CHD5: variants seen among roughly 807,000 people sequenced by gnomAD.
CHD5 encodes chromodomain helicase DNA binding protein 5, also known as ATP-dependent chromatin remodeler CHD5.
A neutral mutation model predicts 230.3 loss-of-function variants in CHD5; 69 were observed. The ratio of observed to expected loss-of-function variants is 0.30; its 90% CI spans 0.25 to 0.37. The LOEUF is 0.37. Ranked by LOEUF, CHD5 falls within the 10% of genes least tolerant of loss-of-function variation. The probability of loss-of-function intolerance (pLI) is 1.00; values close to 1 mark genes in which losing one functional copy is unlikely to be tolerated. For synonymous variants in CHD5, 1,064 were observed against 1,065.9 expected (o/e 1.00, Z 0.03); for missense variants, 1,827 against 2,622.8 (o/e 0.70, Z 6.63).
Position 6,135,388 on chromosome 1 carries a change from G to A in CHD5, c.2712C>T (p.Phe904=). 1 of 1,610,448 alleles carries A rather than the reference G, an allele frequency of 6.2e-7. No individual in the cohort carries two copies. The highest frequency in any genetic ancestry group is 1.7e-4 in the Middle Eastern group (1 of 6,024). ...TPERFNNLEG[F]LEEFADISKE... ...TGGAGATGTCAGCAAACTCCTCCAG[G>A]AAGCCCTCCAGGTTGCTGCAACAAA... Residue 904 remains phenylalanine, a synonymous_variant, in exon 18 of 42, where the codon TTC becomes TTT. Transcript: ENST00000262450.
At position 6,102,760 on chromosome 1, in the gene CHD5, CT is replaced by C. The variant is rs3841006; in HGVS notation, c.*2713del. 14,541 of 152,188 alleles carry C rather than the reference CT, an allele frequency of 0.096. 1,017 individuals carry two copies. The highest frequency in any genetic ancestry group is 0.36 in the East Asian group (1,842 of 5,148). The allele number at this position is 152,188 out of a possible 1,614,324, so 9.4% of individuals were successfully genotyped here. A position where few individuals can be genotyped will look rare whatever the true frequency, so the allele number is the denominator to read the frequency against. On this transcript the variant is annotated 3_prime_UTR_variant, in exon 42 of 42. Coordinates refer to ENST00000262450, the MANE Select transcript of CHD5 (RefSeq NM_015557.3). ...GGGGCAGGGAAAGTCCAGCCTGCCC[CT>C]GGGGGAAGCCAAGTTTGCAAAAAAC...
At chr1:6,159,249 AC>A in intron 3 of CHD5, 86 bp downstream of exon 3, 1 of 1,520,772 alleles carries the variant, frequency 6.6e-7, no homozygotes, top group Non-Finnish European at 8.8e-7. Flanking sequence ...ACACACACAC[AC>A]ACACACACAG....
chr1:6,138,663 C>T (rs1666781617), intron 15 of CHD5, among the ~76,000 whole-genome samples: 1 of 152,202 alleles, frequency 6.6e-6, no homozygotes, highest in Non-Finnish European at 1.5e-5. Context: ...CCTCGCCTAT[C>T]TAGGTGAAGA....
intron 2 of CHD5, among the ~76,000 whole-genome samples, chr1:6,165,265 G>A (rs1439023967): frequency 2.0e-5 from 3 of 152,180 alleles, no homozygotes; most frequent in Non-Finnish European, 2.9e-5. Flanking sequence ...GGCTGGTGCT[G>A]TACCCTGAGC....
At position 6,105,851 on chromosome 1, in the gene CHD5, T is replaced by C. The variant is rs1352519958; in HGVS notation, c.*46+383A>G. Among the ~76,000 whole-genome samples the C allele has an allele frequency of 2.6e-5, 4 of 152,128 alleles. No homozygotes were observed. In the South Asian group the frequency reaches 6.2e-4, roughly 24 times the overall value. The stretch of plus-strand genomic sequence containing the variant: ...CAGGAAGTGAGGGTGTAAGACAAGA[T>C]GTGATGTCTGCCACCAGCAGGACAG... On this transcript the variant is annotated intron_variant, in intron 41 of 41. Coordinates refer to ENST00000262450, the MANE Select transcript of CHD5 (RefSeq NM_015557.3). The surrounding 1 kb of genome is among the most constrained non-coding windows in gnomAD (Gnocchi z 4.8).
Position 6,125,512 on chromosome 1 carries a change from G to C in CHD5, c.4260+12C>G, listed in dbSNP as rs1666541603. 6.4e-7 allele frequency: 1 copy of C among 1,567,412 alleles called. No individual in the cohort carries two copies. The highest frequency in any genetic ancestry group is 1.9e-5 in the Admixed American group (1 of 53,492). ...AGGGGCAGAAAGAGATGCGGGAACAGACAGGCCCCACCTCGATGTTGCCAC... is the reference window on the plus strand; with the variant it reads ...AGGGGCAGAAAGAGATGCGGGAACACACAGGCCCCACCTCGATGTTGCCAC... On this transcript the variant is annotated intron_variant, in intron 28 of 41. Transcript: ENST00000262450. This position sits in a 1 kb window ranked among gnomAD's most constrained non-coding sequence, Gnocchi z 6.7.
intron 1 of CHD5, among the ~76,000 whole-genome samples, chr1:6,178,644 C>A (rs1023624007): frequency 6.6e-6 from 1 of 152,102 alleles, no homozygotes; most frequent in Non-Finnish European, 1.5e-5. Flanking sequence ...TCCCCTATTC[C>A]CCGTCCCCAG....
In CHD5 at chr1:6,121,617, G is replaced by T; in HGVS notation, c.4700-44C>A. 6.9e-7 allele frequency: 1 copy of T among 1,458,946 alleles called. No individual in the cohort carries two copies. The highest frequency in any genetic ancestry group is 9.5e-7 in the Non-Finnish European group (1 of 1,049,146). The allele number at this position is 1,458,946 out of a possible 1,614,324, so 90.4% of individuals were successfully genotyped here. A position where few individuals can be genotyped will look rare whatever the true frequency, so the allele number is the denominator to read the frequency against. Reference sequence around the variant, plus strand: ...GAGCTGAGACAGGTGGGCTCAGACGGGAAGGAGTAGGGCAGGGAGTGGGGT... The same window carrying T: ...GAGCTGAGACAGGTGGGCTCAGACGTGAAGGAGTAGGGCAGGGAGTGGGGT... On this transcript the variant is annotated intron_variant, in intron 31 of 41. Transcript: ENST00000262450. The surrounding 1 kb of genome is among the most constrained non-coding windows in gnomAD (Gnocchi z 4.5).
intron 13 of CHD5, 93 bp downstream of exon 13, chr1:6,143,730 T>A: frequency 1.7e-6 from 2 of 1,156,856 alleles, no homozygotes; most frequent in East Asian, 4.7e-5. Flanking sequence ...CAAGGAAACA[T>A]CCTTTTGAGA....
chr1:6,170,694 G>A (rs567586098), intron 1 of CHD5, among the ~76,000 whole-genome samples: 1 of 152,350 alleles, frequency 6.6e-6, no homozygotes, highest in African/African-American at 2.4e-5. Context: ...GAGGCCCCAA[G>A]CAGCCAGGGG....
At position 6,109,764 on chromosome 1, in the gene CHD5, G is replaced by T. The variant is rs757223109; in HGVS notation, c.5578+31C>A. 12 of 1,587,248 alleles carry T rather than the reference G, an allele frequency of 7.6e-6. No individual in the cohort carries two copies. The East Asian group carries it at 2.5e-4, about 33-fold the overall frequency. On this transcript the variant is annotated intron_variant, in intron 38 of 41. Coordinates refer to ENST00000262450, the MANE Select transcript of CHD5 (RefSeq NM_015557.3). Reference sequence around the variant, plus strand: ...TCGCTGGGCAGGAGGAAGGGCGGGGGGCTGCACCGTGGGGGGCAGGACTTG... The same window carrying T: ...TCGCTGGGCAGGAGGAAGGGCGGGGTGCTGCACCGTGGGGGGCAGGACTTG...
intron 5 of CHD5, 32 bp from the exon 6 acceptor site, chr1:6,152,568 T>G: frequency 6.2e-7 from 1 of 1,611,948 alleles, no homozygotes; most frequent in South Asian, 1.1e-5. Flanking sequence ...AGCCAACCAC[T>G]GCCACCACTG....
At chr1:6,111,930 C>A (rs753724313) in intron 35 of CHD5, 47 bp from the exon 36 acceptor site, 1 of 1,558,908 alleles carries the variant, frequency 6.4e-7, no homozygotes, top group Admixed American at 1.7e-5. Flanking sequence ...CCCCAGCTCT[C>A]ACGCACAGGC....
Position 6,131,446 on chromosome 1 carries a change from C to A in CHD5, c.3262+185G>T, listed in dbSNP as rs1157950011. The stretch of plus-strand genomic sequence containing the variant: ...CCCAACAGGTGTTATCTACTGGGCC[C>A]CTCAGAACTCCGATTCCATGGGAGG... On this transcript the variant is annotated intron_variant, in intron 21 of 41. Transcript: ENST00000262450. The surrounding 1 kb of genome is among the most constrained non-coding windows in gnomAD (Gnocchi z 5.0). 6.6e-6 allele frequency among the ~76,000 whole-genome samples: 1 copy of A among 152,238 alleles called. No homozygotes were observed. Among genetic ancestry groups the A allele is most frequent in the Non-Finnish European group, 1.5e-5 (1 of 68,042 alleles).
At position 6,129,646 on chromosome 1, in the gene CHD5, C is replaced by T. The variant is rs1666621717; in HGVS notation, c.3387+558G>A. ...TGAGACATCAATTTGTATGTGTTCC[C>T]CTACATTTGTAAGCATTCAATGTGT... On this transcript the variant is annotated intron_variant, in intron 22 of 41. Transcript: ENST00000262450. The surrounding 1 kb of genome is among the most constrained non-coding windows in gnomAD (Gnocchi z 6.8). 6.6e-6 allele frequency among the ~76,000 whole-genome samples: 1 copy of T among 152,146 alleles called. No individual in the cohort carries two copies. Among genetic ancestry groups the T allele is most frequent in the Admixed American group, 6.5e-5 (1 of 15,284 alleles).
chr1:6,143,311 G>T (rs886360617), intron 13 of CHD5, among the ~76,000 whole-genome samples: 4 of 152,174 alleles, frequency 2.6e-5, no homozygotes, highest in African/African-American at 9.7e-5. Context: ...GGGATTACAG[G>T]CATGAGCCAC....
In CHD5 at chr1:6,128,767, C is replaced by A. The variant is rs1267728942; in HGVS notation, c.3619+71G>T. On this transcript the variant is annotated intron_variant, in intron 23 of 41. Transcript: ENST00000262450. This position sits in a 1 kb window ranked among gnomAD's most constrained non-coding sequence, Gnocchi z 7.8. The stretch of plus-strand genomic sequence containing the variant: ...GTGTTGGAGCGGGCAGGGACCCAAG[C>A]AAGCCCTGGATGGGTGTCTCAGCCG... The A allele has an allele frequency of 6.4e-6, 9 of 1,404,362 alleles. No homozygotes were observed. The East Asian group carries it at 1.4e-4, about 22-fold the overall frequency. 87.0% of individuals were successfully genotyped at this position (1,404,362 alleles called of 1,614,324 possible). A position where few individuals can be genotyped will look rare whatever the true frequency, so the allele number is the denominator to read the frequency against.
chr1:6,102,684 CG>C lies in CHD5; in HGVS notation c.*2789del, dbSNP rs1666086003. On this transcript the variant is annotated 3_prime_UTR_variant, in exon 42 of 42. Transcript: ENST00000262450. ...CTCCTGACCTCGGCAGGGGAGCACCCGGGGGACTCTGGGAAGGCAGCCCCCA... is the reference window on the plus strand; with the variant it reads ...CTCCTGACCTCGGCAGGGGAGCACCCGGGGACTCTGGGAAGGCAGCCCCCA... The C allele has an allele frequency of 6.6e-6, 1 of 152,244 alleles. No individual in the cohort carries two copies. The highest frequency in any genetic ancestry group is 2.4e-5 in the African/African-American group (1 of 41,448). The allele number at this position is 152,244 out of a possible 1,614,324, so 9.4% of individuals were successfully genotyped here.
intron 1 of CHD5, among the ~76,000 whole-genome samples, chr1:6,169,896 A>ACCC (rs1457294828): frequency 4.0e-5 from 6 of 151,898 alleles, no homozygotes; most frequent in Non-Finnish European, 8.8e-5. Context: ...TGCCATGGAC[A>ACCC]CCCCAGGCCT....
Sources: allele counts gnomAD v4.1 joint callset (sites outside exome capture counted in the v4.1 genomes callset), GRCh38; gene constraint gnomAD v4.1.1; non-coding constraint Gnocchi (gnomAD v3.1); transcripts MANE v1.5; gene names NCBI Gene and HGNC (gene_info 2026-07-23, HGNC 2026-07-21).